The following TENM2 variants were observed in gnomAD, a reference collection of about 807,000 sequenced individuals.
TENM2 encodes the protein teneurin transmembrane protein 2, also known as teneurin-2.
Under a neutral mutation model 245.2 loss-of-function variants are expected in TENM2, and 52 were observed. That is an observed-to-expected ratio of 0.21 (90% CI 0.17 to 0.27). The LOEUF is 0.27. TENM2 is among the 10% of genes least tolerant of loss of function. TENM2 has a pLI of 1.00. For synonymous variants in TENM2, 1,363 were observed against 1,438.9 expected, an observed-to-expected ratio of 0.95 and a Z score of 1.19; for missense variants, 3,046 against 3,666.8, an observed-to-expected ratio of 0.83 and a Z score of 4.37.
At chr5:167,111,181 G>T in the TENM2 span, among the ~76,000 whole-genome samples, 9 of 151,940 alleles carry the variant, frequency 5.9e-5, no homozygotes, top group Admixed American at 4.6e-4. Context: ...GTTTTATTTA[G>T]GTATAGCTAT....
At chr5:167,439,468 A>G (rs1054228647) in intron 2 of TENM2, among the ~76,000 whole-genome samples, 2 of 152,196 alleles carry the variant, frequency 1.3e-5, no homozygotes, top group South Asian at 2.1e-4. Context: ...TAACCTTCCT[A>G]GGCTAGTGTC....
At chr5:168,139,406 T>C in intron 12 of TENM2, 1 of 447,548 alleles carries the variant, frequency 2.2e-6, no homozygotes, top group South Asian at 1.6e-5. Context: ...TTGAAAACCT[T>C]CAGATGCTTA....
intron 2 of TENM2, among the ~76,000 whole-genome samples, chr5:167,428,687 T>C (rs1764029147): frequency 1.3e-5 from 2 of 152,188 alleles, no homozygotes; most frequent in African/African-American, 4.8e-5. Context: ...TAAAATTGAG[T>C]GGCCTTGTTT....
At chr5:167,955,346 C>T (rs569658182) in intron 4 of TENM2, among the ~76,000 whole-genome samples, 90 of 151,604 alleles carry the variant, frequency 5.9e-4, no homozygotes, top group Non-Finnish European at 1.0e-3. Flanking sequence ...TGTTTAAGTT[C>T]CTTGTGGATT....
intron 2 of TENM2, among the ~76,000 whole-genome samples, chr5:167,743,472 G>A (rs1168228849): frequency 2.0e-5 from 3 of 152,102 alleles, no homozygotes; most frequent in African/African-American, 7.2e-5. Context: ...TATTCGAACC[G>A]ACAAAAAGGC....
At chr5:167,607,304 C>T (rs987526659) in intron 2 of TENM2, among the ~76,000 whole-genome samples, 3 of 152,176 alleles carry the variant, frequency 2.0e-5, no homozygotes, top group African/African-American at 7.2e-5. Context: ...GCTGTTTACA[C>T]TCATCCCAGC....
At chr5:167,490,310 A>G (rs977979713) in intron 2 of TENM2, among the ~76,000 whole-genome samples, 2 of 152,172 alleles carry the variant, frequency 1.3e-5, no homozygotes, top group African/African-American at 4.8e-5. Context: ...AAAATTGCAA[A>G]GACAGAAGAG....
At chr5:167,591,853 C>G (rs1015071422) in intron 2 of TENM2, among the ~76,000 whole-genome samples, 4 of 152,188 alleles carry the variant, frequency 2.6e-5, no homozygotes, top group African/African-American at 9.7e-5. Flanking sequence ...ATCCCCTGCT[C>G]TGATCCATCT....
chr5:166,984,932 T>A, the TENM2 span, among the ~76,000 whole-genome samples: 8 of 152,256 alleles, frequency 5.3e-5, no homozygotes, highest in Middle Eastern at 3.4e-3. Flanking sequence ...CTTTATTTTT[T>A]AAAAATTCCT....
intron 2 of TENM2, among the ~76,000 whole-genome samples, chr5:167,451,442 A>T (rs1765577034): frequency 6.6e-6 from 1 of 152,182 alleles, no homozygotes; most frequent in Non-Finnish European, 1.5e-5. Context: ...ACTTAATATT[A>T]TTCAGATTTA....
chr5:167,054,940 ATCTG>A, the TENM2 span, among the ~76,000 whole-genome samples: 1 of 151,986 alleles, frequency 6.6e-6, no homozygotes, highest in Non-Finnish European at 1.5e-5. Flanking sequence ...CCTTTATCCT[ATCTG>A]TCTTTTAACA....
chr5:167,412,560 C>T (rs758975375), intron 2 of TENM2, among the ~76,000 whole-genome samples: 6 of 152,088 alleles, frequency 3.9e-5, no homozygotes, highest in Non-Finnish European at 7.4e-5. Context: ...TTATCTATTA[C>T]TCAATCTTAG....
At chr5:167,652,813 G>A (rs1754567279) in intron 2 of TENM2, among the ~76,000 whole-genome samples, 1 of 152,104 alleles carries the variant, frequency 6.6e-6, no homozygotes, top group African/African-American at 2.4e-5. Context: ...ATTCCTCTGA[G>A]TCATCTAACT....
intron 23 of TENM2, among the ~76,000 whole-genome samples, chr5:168,220,027 T>A (rs1453517488): frequency 6.6e-6 from 1 of 152,128 alleles, no homozygotes; most frequent in African/African-American, 2.4e-5. Context: ...ACTTTCTTCT[T>A]TGGGCAACTC....
At chr5:167,659,105 C>T (rs532284977) in intron 2 of TENM2, among the ~76,000 whole-genome samples, 2 of 152,296 alleles carry the variant, frequency 1.3e-5, no homozygotes, top group South Asian at 2.1e-4. Context: ...CCACAAAATA[C>T]TGTGACAGTA....
At chr5:168,154,147 T>TAAAAAAAAAAAAAAAAAAAAAAAAA (rs70976465) in intron 12 of TENM2, among the ~76,000 whole-genome samples, 11 of 85,066 alleles carry the variant, frequency 1.3e-4, no homozygotes, top group Non-Finnish European at 2.0e-4. Flanking sequence ...TCACCTACTT[T>TAAAAAAAAAAAAAAAAAAAAAAAAA]AAAAAAAAAA....
rs530380035 is a variant in TENM2, at chr5:167,616,190, A to G, written c.502+240717A>G. Reference sequence around the variant, plus strand: ...CACCCTAGTTGTTGCTTCACCAGATATGATGCACTTTCCAGAACTAGAAGT... The same window carrying G: ...CACCCTAGTTGTTGCTTCACCAGATGTGATGCACTTTCCAGAACTAGAAGT... On this transcript the variant is annotated intron_variant, in intron 2 of 28. Coordinates refer to ENST00000518659, the Ensembl canonical transcript of TENM2. Among the ~76,000 whole-genome samples, 42 of 152,256 alleles carry G rather than the reference A, an allele frequency of 2.8e-4. 1 individual carries two copies. The highest frequency in any genetic ancestry group is 8.4e-4 in the African/African-American group (35 of 41,564).
chr5:167,452,931 T>TTATA (rs1554157697), intron 2 of TENM2, among the ~76,000 whole-genome samples: 142 of 4,870 alleles, frequency 0.029, 4 homozygotes, highest in African/African-American at 0.048. Flanking sequence ...AAAGTATGAT[T>TTATA]TATATATATA....
intron 4 of TENM2, among the ~76,000 whole-genome samples, chr5:167,979,059 A>G (rs954234985): frequency 6.6e-6 from 1 of 152,220 alleles, no homozygotes; most frequent in African/African-American, 2.4e-5. Flanking sequence ...AATGGATCTG[A>G]GTGTGTAATA....
Sources: allele counts gnomAD v4.1 joint callset (sites outside exome capture counted in the v4.1 genomes callset), GRCh38; gene constraint gnomAD v4.1.1; transcripts MANE v1.5; gene names NCBI Gene and HGNC (gene_info 2026-07-23, HGNC 2026-07-21).